GRAMD1C: variants seen among roughly 807,000 people sequenced by gnomAD.
GRAMD1C encodes GRAM domain containing 1C.
In GRAMD1C, 89 loss-of-function variants were observed where a neutral mutation model predicts 97.8. The observed-to-expected ratio is 0.91, with a 90% CI of 0.77 to 1.09. The LOEUF (loss-of-function observed/expected upper bound fraction) is 1.09, where lower values mean the gene tolerates loss of function less well. GRAMD1C is among the 50% of genes least tolerant of loss of function. The pLI is 0.00. For synonymous variants in GRAMD1C, 256 were observed against 267.0 expected, an observed-to-expected ratio of 0.96 and a Z score of 0.40; for missense variants, 740 against 766.4, an observed-to-expected ratio of 0.97 and a Z score of 0.41.
At chr3:113,898,239 C>A (rs192204805) in intron 6 of GRAMD1C, among the ~76,000 whole-genome samples, 5 of 152,136 alleles carry the variant, frequency 3.3e-5, no homozygotes, top group Admixed American at 2.6e-4. Context: ...TAGGAAGCTG[C>A]CTGAGTATTC....
At chr3:113,848,443 G>A (rs1244346999) in intron 2 of GRAMD1C, among the ~76,000 whole-genome samples, 1 of 151,844 alleles carries the variant, frequency 6.6e-6, no homozygotes, top group African/African-American at 2.4e-5. Flanking sequence ...AAGATTTTCA[G>A]ATTTTTTATT....
At chr3:113,863,971 G>C (rs1394385579) in intron 2 of GRAMD1C, among the ~76,000 whole-genome samples, 1 of 152,114 alleles carries the variant, frequency 6.6e-6, no homozygotes, top group African/African-American at 2.4e-5. Context: ...CTACCACATG[G>C]TCAGGCTGTG....
chr3:113,870,643 T>C (rs1306094410), intron 3 of GRAMD1C, among the ~76,000 whole-genome samples: 1 of 152,126 alleles, frequency 6.6e-6, no homozygotes, highest in East Asian at 1.9e-4. Flanking sequence ...CTCAATTACT[T>C]TGATTTGATC....
At chr3:113,894,537 C>G (rs148266009) in intron 6 of GRAMD1C, among the ~76,000 whole-genome samples, 24 of 152,264 alleles carry the variant, frequency 1.6e-4, no homozygotes, top group Admixed American at 1.4e-3. Flanking sequence ...CCTTGGCCCC[C>G]CAAAGTGCTG....
At chr3:113,831,021 A>G (rs112155467) in intron 1 of GRAMD1C, among the ~76,000 whole-genome samples, 2,234 of 152,312 alleles carry the variant, frequency 0.015, 51 homozygotes, top group African/African-American at 0.049. Flanking sequence ...CCCAAGAGGC[A>G]GAGGTTGCAG....
intron 2 of GRAMD1C, 195 bp downstream of exon 2, chr3:113,844,844 A>G: frequency 2.2e-6 from 1 of 461,288 alleles, no homozygotes; most frequent in Non-Finnish European, 3.8e-6. Context: ...GTCTGGTTCG[A>G]TGAAATGGAA....
At position 113,930,804 on chromosome 3, in the gene GRAMD1C, GA is replaced by G; in HGVS notation, c.1185del (p.Lys395AsnfsTer23). On this transcript the variant is annotated frameshift_variant, in exon 11 of 18. Transcript: ENST00000358160. LOFTEE classifies it high-confidence loss of function. ...ATAGTCCTTAATAGTCCACTTACTG[GA>G]AAATGCACTGCTGCCACTGAAAAGC... ...YTIVLNSPLT[G>X]KCTAATEKQT... The G allele has an allele frequency of 6.2e-7, 1 of 1,601,184 alleles. No homozygotes were observed. The highest frequency in any genetic ancestry group is 8.6e-7 in the Non-Finnish European group (1 of 1,168,300).
At chr3:113,927,721 C>A (rs1937274917) in intron 10 of GRAMD1C, among the ~76,000 whole-genome samples, 1 of 152,186 alleles carries the variant, frequency 6.6e-6, no homozygotes, top group Non-Finnish European at 1.5e-5. Flanking sequence ...AGTCACCTAC[C>A]CTGCTGTCAA....
intron 8 of GRAMD1C, among the ~76,000 whole-genome samples, chr3:113,905,748 T>G (rs1472620188): frequency 6.6e-6 from 1 of 151,826 alleles, no homozygotes; most frequent in African/African-American, 2.4e-5. Flanking sequence ...CAGGCTGGAG[T>G]GCAGTGGTGT....
chr3:113,855,862 A>G (rs1934104045), intron 2 of GRAMD1C, among the ~76,000 whole-genome samples: 2 of 151,936 alleles, frequency 1.3e-5, no homozygotes, highest in South Asian at 4.1e-4. Flanking sequence ...AGCTTTAAAC[A>G]TTTTCCCCTC....
chr3:113,870,948 C>T (rs1007177952), intron 3 of GRAMD1C, among the ~76,000 whole-genome samples: 1 of 143,268 alleles, frequency 7.0e-6, no homozygotes, highest in Non-Finnish European at 1.5e-5. Context: ...GAGACCTTGG[C>T]TCAACAAATA....
In GRAMD1C at chr3:113,933,570, A is replaced by C. The variant is rs1376731282; in HGVS notation, c.1269A>C (p.Thr423=). 1 of 1,601,958 alleles carries C rather than the reference A, an allele frequency of 6.2e-7. No homozygotes were observed. Among genetic ancestry groups the C allele is most frequent in the African/African-American group, 1.3e-5 (1 of 74,660 alleles). The change falls in exon 12 of 18, where the codon ACA becomes ACC. Residue 423 remains threonine (T), a synonymous_variant. Transcript: ENST00000358160. ...ATTTGGTAGATTCAGAAGTACTGAC[A>C]CATGATGTCCCCTACCATGATTACT... The part of the protein sequence containing the change: ...RFYLVDSEVL[T]HDVPYHDYFY...
intron 2 of GRAMD1C, among the ~76,000 whole-genome samples, chr3:113,861,311 T>C (rs912013211): frequency 6.6e-6 from 1 of 152,176 alleles, no homozygotes; most frequent in Non-Finnish European, 1.5e-5. Context: ...CATGAAAATC[T>C]CAAGTGACAG....
At chr3:113,866,943 T>G (rs931568147) in intron 2 of GRAMD1C, among the ~76,000 whole-genome samples, 1 of 151,970 alleles carries the variant, frequency 6.6e-6, no homozygotes, top group Admixed American at 6.6e-5. Flanking sequence ...ATTCTCCTGC[T>G]TCAGCCTCCC....
chr3:113,851,421 CATTATCTACATATATGCAA>C (rs1398878462), intron 2 of GRAMD1C, among the ~76,000 whole-genome samples: 1 of 151,754 alleles, frequency 6.6e-6, no homozygotes, highest in African/African-American at 2.4e-5. Flanking sequence ...GATTTTCAAC[CATTATCTACATATATGCAA>C]ATAATAACTA....
intron 2 of GRAMD1C, among the ~76,000 whole-genome samples, chr3:113,849,417 T>C (rs897094725): frequency 2.0e-4 from 30 of 151,480 alleles, no homozygotes; most frequent in Non-Finnish European, 4.4e-5. Context: ...AGGTCTCTGG[T>C]TTTCCTAGGC....
chr3:113,908,201 G>GT, intron 8 of GRAMD1C, among the ~76,000 whole-genome samples: 1 of 152,236 alleles, frequency 6.6e-6, no homozygotes, highest in South Asian at 2.1e-4. Context: ...CTGCTGTATA[G>GT]TTTATATAGA....
intron 1 of GRAMD1C, among the ~76,000 whole-genome samples, chr3:113,843,826 A>G (rs1404154569): frequency 2.0e-5 from 3 of 152,342 alleles, no homozygotes; most frequent in African/African-American, 7.2e-5. Flanking sequence ...TAATTTCTCT[A>G]TTGATGGACG....
intron 8 of GRAMD1C, among the ~76,000 whole-genome samples, chr3:113,906,594 AAG>A (rs1332990407): frequency 6.6e-6 from 1 of 152,218 alleles, no homozygotes; most frequent in African/African-American, 2.4e-5. Context: ...TTTTAAAAAA[AAG>A]TTCATAAAAT....
Sources: gnomAD v4.1 joint callset for allele counts (sites outside exome capture counted in the v4.1 genomes callset) on GRCh38, gnomAD v4.1.1 for gene constraint, MANE v1.5 for transcripts, NCBI Gene and HGNC (gene_info 2026-07-23, HGNC 2026-07-21) for gene names.